Variants in SHANK2 observed in about 807,000 individuals in gnomAD.
SHANK2 encodes SH3 and multiple ankyrin repeat domains protein 2.
In SHANK2, 43 loss-of-function variants were observed where a neutral mutation model predicts 133.7. The observed-to-expected ratio is 0.32, with a 90% CI of 0.25 to 0.41. SHANK2 has a LOEUF of 0.41. Among genes scored for constraint, SHANK2 ranks in the 10% least tolerant of loss-of-function variants. The probability of loss-of-function intolerance (pLI) is 1.00; values close to 1 mark genes in which losing one functional copy is unlikely to be tolerated. For synonymous variants in SHANK2, 1,017 were observed against 952.8 expected, an observed-to-expected ratio of 1.07 and a Z score of -1.24; for missense variants, 1,994 against 2,235.8, an observed-to-expected ratio of 0.89 and a Z score of 2.18.
chr11:70,894,502 T>C (rs893653469), intron 11 of SHANK2, among the ~76,000 whole-genome samples: 5 of 149,732 alleles, frequency 3.3e-5, no homozygotes, highest in African/African-American at 1.0e-4. Context: ...TGTTTTTGAG[T>C]AGGGGGGTTT....
intron 3 of SHANK2, among the ~76,000 whole-genome samples, chr11:71,125,193 G>C (rs73521187): frequency 6.6e-6 from 1 of 152,106 alleles, no homozygotes; most frequent in East Asian, 1.9e-4. Flanking sequence ...TAGCCCCTAC[G>C]TGTCCAAGTG....
chr11:71,125,433 T>G (rs1206602929), intron 3 of SHANK2, among the ~76,000 whole-genome samples: 1 of 152,192 alleles, frequency 6.6e-6, no homozygotes, highest in African/African-American at 2.4e-5. Flanking sequence ...GGGAGAAGGT[T>G]TGAGTCACCA....
intron 7 of SHANK2, 135 bp downstream of exon 7, chr11:71,094,402 C>T: frequency 1.3e-6 from 1 of 795,326 alleles, no homozygotes; most frequent in East Asian, 2.8e-5. Context: ...AGCCGGAACA[C>T]TGTGCACGGA....
intron 7 of SHANK2, among the ~76,000 whole-genome samples, chr11:71,093,904 G>T (rs1951560427): frequency 6.6e-6 from 1 of 152,188 alleles, no homozygotes; most frequent in South Asian, 2.1e-4. Context: ...GTGGGCTCTG[G>T]TGGAGGATGC....
At position 70,765,090 on chromosome 11, in the gene SHANK2, G is replaced by A. The variant is rs936678717; in HGVS notation, c.1777+33353C>T. ...AAGTGTCAGGGCAGGAAGTGGGGAG[G>A]TGCAGAACTGAGGTGGAAGGGAAGA... On this transcript the variant is annotated intron_variant, in intron 14 of 25. Coordinates refer to ENST00000601538, the MANE Select transcript of SHANK2 (RefSeq NM_012309.5). 3.5e-4 allele frequency among the ~76,000 whole-genome samples: 54 copies of A among 152,212 alleles called. 1 individual carries two copies. The highest frequency in any genetic ancestry group is 1.3e-3 in the African/African-American group (52 of 41,452).
At chr11:70,614,667 C>T (rs1433060342) in intron 17 of SHANK2, among the ~76,000 whole-genome samples, 1 of 152,202 alleles carries the variant, frequency 6.6e-6, no homozygotes, top group Non-Finnish European at 1.5e-5. Context: ...CATTCCAGGC[C>T]CTTCCTTCAT....
At chr11:71,241,457 C>T (rs1217882703) in intron 1 of SHANK2, among the ~76,000 whole-genome samples, 8 of 152,146 alleles carry the variant, frequency 5.3e-5, no homozygotes, top group Admixed American at 1.3e-4. Context: ...CACGTACCTT[C>T]GCCAGCAACT....
At chr11:70,502,707 G>A (rs2059073416) in intron 18 of SHANK2, 89 bp downstream of exon 18, 1 of 1,391,316 alleles carries the variant, frequency 7.2e-7, no homozygotes, top group Admixed American at 2.0e-5. Flanking sequence ...CTGGAGAGAG[G>A]GCCCACTGCC....
intron 17 of SHANK2, among the ~76,000 whole-genome samples, chr11:70,619,278 G>A (rs2060798520): frequency 6.6e-6 from 1 of 152,252 alleles, no homozygotes; most frequent in African/African-American, 2.4e-5. Flanking sequence ...GGGCTCAGGA[G>A]GCTGAGAGAG....
At chr11:70,781,564 A>ATATATATATAT (rs1487003946) in intron 14 of SHANK2, among the ~76,000 whole-genome samples, 2 of 109,240 alleles carry the variant, frequency 1.8e-5, no homozygotes, top group Admixed American at 1.0e-4. Context: ...CTTATTATAT[A>ATATATATATAT]TATATATATA....
intron 17 of SHANK2, among the ~76,000 whole-genome samples, chr11:70,527,905 G>A (rs2059420179): frequency 6.6e-6 from 1 of 152,204 alleles, no homozygotes; most frequent in Non-Finnish European, 1.5e-5. Context: ...TTCACCGGGC[G>A]ACCCAGACCT....
At chr11:70,906,198 CA>C (rs1270119016) in intron 10 of SHANK2, among the ~76,000 whole-genome samples, 11 of 152,352 alleles carry the variant, frequency 7.2e-5, no homozygotes, top group African/African-American at 2.6e-4. Flanking sequence ...CAGGCTCCGA[CA>C]AGGTGCCACA....
intron 10 of SHANK2, among the ~76,000 whole-genome samples, chr11:70,951,769 C>G (rs1307613797): frequency 6.6e-6 from 1 of 152,220 alleles, no homozygotes; most frequent in Non-Finnish European, 1.5e-5. Flanking sequence ...GCTGCCCACC[C>G]CCACCCAAAG....
At chr11:71,060,623 T>A (rs1950976317) in intron 9 of SHANK2, among the ~76,000 whole-genome samples, 1 of 152,152 alleles carries the variant, frequency 6.6e-6, no homozygotes, top group Admixed American at 6.5e-5. Context: ...ACCATGCATG[T>A]CAGCAGGGGA....
At chr11:70,526,970 GC>G (rs1554972284) in intron 17 of SHANK2, among the ~76,000 whole-genome samples, 1 of 150,104 alleles carries the variant, frequency 6.7e-6, no homozygotes, top group African/African-American at 2.4e-5. Flanking sequence ...CAACCGCCCC[GC>G]CCAGGTCACC....
chr11:70,578,735 C>T (rs1047307750), intron 17 of SHANK2, among the ~76,000 whole-genome samples: 2 of 152,132 alleles, frequency 1.3e-5, no homozygotes, highest in Admixed American at 1.3e-4. Flanking sequence ...ACAGGATGGC[C>T]CATGGAAGAT....
At chr11:70,867,628 GCTATA>G (rs1949388755) in intron 11 of SHANK2, among the ~76,000 whole-genome samples, 1 of 152,176 alleles carries the variant, frequency 6.6e-6, no homozygotes, top group Non-Finnish European at 1.5e-5. Flanking sequence ...GAGAATCGAC[GCTATA>G]GATTTGTATT....
chr11:70,884,289 CGG>C (rs1949703540), intron 11 of SHANK2, among the ~76,000 whole-genome samples: 1 of 152,180 alleles, frequency 6.6e-6, no homozygotes, highest in South Asian at 2.1e-4. Context: ...ATGCGTGGAA[CGG>C]GCCCCTAGGG....
At chr11:71,150,741 T>C (rs1952780592) in intron 2 of SHANK2, among the ~76,000 whole-genome samples, 1 of 151,984 alleles carries the variant, frequency 6.6e-6, no homozygotes, top group Admixed American at 6.6e-5. Context: ...ACACAATCCC[T>C]GCATGGATAT....
Sources: gnomAD v4.1 joint callset for allele counts (sites outside exome capture counted in the v4.1 genomes callset) on GRCh38, gnomAD v4.1.1 for gene constraint, MANE v1.5 for transcripts, NCBI Gene and HGNC (gene_info 2026-07-23, HGNC 2026-07-21) for gene names.